KCP: variants seen among roughly 807,000 people sequenced by gnomAD.
KCP encodes kielin/chordin-like protein.
A neutral mutation model predicts 212.7 loss-of-function variants in KCP; 194 were observed. The observed-to-expected ratio is 0.91, with a 90% confidence interval of 0.81 to 1.03. The LOEUF is 1.03. Among genes scored for constraint, KCP ranks in the 50% least tolerant of loss-of-function variants. The pLI is 0.00. For missense variants in KCP, 2,080 were observed against 2,162.5 expected (o/e 0.96, Z 0.76); for synonymous variants, 833 against 865.3 (o/e 0.96, Z 0.65).
rs767647559 is a variant in KCP, at chr7:128,879,774, C to T, written c.3988G>A (p.Val1330Met). 14 of 1,550,660 alleles carry T rather than the reference C, an allele frequency of 9.0e-6. No homozygotes were observed. Among genetic ancestry groups the T allele is most frequent in the South Asian group, 1.2e-5 (1 of 84,062 alleles). Residue 1330 changes from valine to methionine, a missense_variant, in exon 36 of 40, where the codon GTG becomes ATG. Transcript: ENST00000610776. ...GCCATGTCTCCCAGCAGCACCGCCACCTCCTGGGTCCAGGCCACACCGCTC... is the reference window on the plus strand; with the variant it reads ...GCCATGTCTCCCAGCAGCACCGCCATCTCCTGGGTCCAGGCCACACCGCTC... Reference protein sequence around the residue: ...GRSGVAWTQEVAVLLGDMAVR... With the variant: ...GRSGVAWTQEMAVLLGDMAVR...
chr7:128,881,682 C>T lies in KCP; in HGVS notation c.3368G>A (p.Ser1123Asn). 6.6e-7 allele frequency: 1 copy of T among 1,519,898 alleles called. No homozygotes were observed. The highest frequency in any genetic ancestry group is 8.8e-7 in the Non-Finnish European group (1 of 1,139,228). The allele number at this position is 1,519,898 out of a possible 1,614,324, so 94.2% of individuals were successfully genotyped here. ...AGTGTGGCGCTCTGAGAGGGGACAG[C>T]TGAGCTCAGGACAAGCCTGGTGGAT... Reference protein sequence around the residue: ...LCIHQACPELSCPLSERHTPP... With the variant: ...LCIHQACPELNCPLSERHTPP... The change falls in exon 31 of 40, where the codon AGC (serine) becomes AAC (asparagine). Residue 1123 changes from serine to asparagine, a missense_variant. Physicochemically the swap from Ser to Asn is conservative, Grantham distance 46. Coordinates refer to ENST00000610776, the MANE Select transcript of KCP (RefSeq NM_001366122.1).
rs1027184388 is a variant in KCP, at chr7:128,877,323, G to C, written c.4619-12C>G. Reference sequence around the variant, plus strand: ...GGGGCAGCCTACCACTGCAGGGGGAGTGGGAGGCGGGGTTACCAAGGCACC... The same window carrying C: ...GGGGCAGCCTACCACTGCAGGGGGACTGGGAGGCGGGGTTACCAAGGCACC... On this transcript the variant is annotated splice_polypyrimidine_tract_variant and intron_variant, in intron 39 of 39. Transcript: ENST00000610776. 3 of 1,527,228 alleles carry C rather than the reference G, an allele frequency of 2.0e-6. No individual in the cohort carries two copies. The highest frequency in any genetic ancestry group is 2.6e-6 in the Non-Finnish European group (3 of 1,139,336). 94.6% of individuals were successfully genotyped at this position (1,527,228 alleles called of 1,614,324 possible).
rs1382512350 is a variant in KCP at position 128,896,763 on chromosome 7, C to T, written c.832-2470G>A. 4.7e-4 allele frequency among the ~76,000 whole-genome samples: 72 copies of T among 151,946 alleles called. 1 individual carries two copies. Among genetic ancestry groups the T allele is most frequent in the East Asian group, 1.9e-4 (1 of 5,184 alleles). On this transcript the variant is annotated intron_variant, in intron 8 of 39. Transcript: ENST00000610776. ...AAAATTAGCTGGGCGTGGTGGCACA[C>T]GCCTGTAGTCCCAGCTACTTGGGAG...
chr7:128,880,434 G>A lies in KCP; in HGVS notation c.3711C>T (p.Gly1237=). The change falls in exon 34 of 40, where the codon GGC becomes GGT. Residue 1237 remains glycine, a synonymous_variant. Coordinates refer to ENST00000610776, the MANE Select transcript of KCP (RefSeq NM_001366122.1). The part of the protein sequence containing the change: ...DTCTSCSCMA[G]TVRCQSQRCS... ...AGCGCTGGCTCTGGCAACGCACGGT[G>A]CCCGCCATGCAGGAGCAGCTGGTGC... The A allele has an allele frequency of 6.5e-7, 1 of 1,546,854 alleles. No individual in the cohort carries two copies. The highest frequency in any genetic ancestry group is 8.7e-7 in the Non-Finnish European group (1 of 1,144,778).
At chr7:128,884,501 C>T (rs911165013) in intron 28 of KCP, among the ~76,000 whole-genome samples, 2 of 152,182 alleles carry the variant, frequency 1.3e-5, no homozygotes, top group African/African-American at 2.4e-5. Context: ...CCCCTAGCCA[C>T]GTCCCAGGTG....
rs1794086401 is a variant in KCP at position 128,891,047 on chromosome 7, G to A, written c.2022C>T (p.Arg674=). The A allele has an allele frequency of 1.8e-5, 25 of 1,376,346 alleles. No individual in the cohort carries two copies. Among genetic ancestry groups the A allele is most frequent in the Non-Finnish European group, 2.2e-5 (24 of 1,071,000 alleles). The allele number at this position is 1,376,346 out of a possible 1,614,324, so 85.3% of individuals were successfully genotyped here. The change falls in exon 20 of 40, where the codon CGC becomes CGT. Residue 674 remains arginine, a synonymous_variant. Transcript: ENST00000610776. ...GCPRPGAAHA[R]HQEYFSPPGD... ...CGGGCGGGGAGAAGTACTCCTGGTG[G>A]CGGGCGTGGGCCGCGCCGGGCCGTG... is the stretch of plus-strand genomic sequence containing the variant.
At position 128,906,286 on chromosome 7, in the gene KCP, A is replaced by T. The variant is rs1205501672; in HGVS notation, c.564T>A (p.Cys188Ter). 1.9e-6 allele frequency: 3 copies of T among 1,551,000 alleles called. No homozygotes were observed. Among genetic ancestry groups the T allele is most frequent in the African/African-American group, 2.7e-5 (2 of 73,152 alleles). ...CPEPGACCPH[C>*]KPGCDYEGQL... Reference sequence around the variant, plus strand: ...GACTGGCAGGAGGCTGACCTGGCTTACAGTGCGGGCAGCATGCTCCTGGCT... The same window carrying T: ...GACTGGCAGGAGGCTGACCTGGCTTTCAGTGCGGGCAGCATGCTCCTGGCT... Residue 188 changes from cysteine (C) to a stop codon, truncating the protein, a stop_gained, in exon 5 of 40, where the codon TGT becomes TGA. Coordinates refer to ENST00000610776, the MANE Select transcript of KCP (RefSeq NM_001366122.1). LOFTEE classifies it high-confidence loss of function.
At position 128,878,556 on chromosome 7, in the gene KCP, A is replaced by C. The variant is rs1415664613; in HGVS notation, c.4311+2T>G. 2 of 1,550,468 alleles carry C rather than the reference A, an allele frequency of 1.3e-6. No homozygotes were observed. The highest frequency in any genetic ancestry group is 1.7e-6 in the Non-Finnish European group (2 of 1,146,488). ...CCCATCCCCGGTTCCTGTACCACTCACCTGCCAGCTATTCCCAAACGCAGC... is the reference window on the plus strand; with the variant it reads ...CCCATCCCCGGTTCCTGTACCACTCCCCTGCCAGCTATTCCCAAACGCAGC... On this transcript the variant is annotated splice_donor_variant, in intron 38 of 39. Coordinates refer to ENST00000610776, the MANE Select transcript of KCP (RefSeq NM_001366122.1). LOFTEE classifies it high-confidence loss of function.
Position 128,892,590 on chromosome 7 carries a change from G to T in KCP, c.1545C>A (p.Cys515Ter), listed in dbSNP as rs945387202. Residue 515 changes from cysteine (C) to a stop codon, truncating the protein, a stop_gained, in exon 16 of 40, where the codon TGC (cysteine) becomes TGA (stop). Coordinates refer to ENST00000610776, the MANE Select transcript of KCP (RefSeq NM_001366122.1). LOFTEE classifies it high-confidence loss of function. ...TCGTGGGAGGGCAGTCAACCAAGGAGCATGTCACAGTTCCATCCTGCGAGA... is the reference window on the plus strand; with the variant it reads ...TCGTGGGAGGGCAGTCAACCAAGGATCATGTCACAGTTCCATCCTGCGAGA... ...ACHCQDGTVT[C>*]SLVDCPPTTC... 6.4e-7 allele frequency: 1 copy of T among 1,550,838 alleles called. No homozygotes were observed. Among genetic ancestry groups the T allele is most frequent in the African/African-American group, 1.4e-5 (1 of 73,018 alleles).
intron 4 of KCP, among the ~76,000 whole-genome samples, chr7:128,906,815 TAA>T (rs998122378): frequency 4.7e-5 from 7 of 150,530 alleles, no homozygotes; most frequent in African/African-American, 1.7e-4. Flanking sequence ...TTTTTGCCAT[TAA>T]AAGTCATGTC....
chr7:128,908,440 C>T lies in KCP; in HGVS notation c.205G>A (p.Glu69Lys). ...CTCCATGGTACCTGTTCTCTGAGCT[C>T]CATCACTGCAGCCTCCAGTCGCCCC... ...WLGRLEAAVM[E>K]LREQNKDLQT... Residue 69 changes from glutamate (E) to lysine (K), a missense_variant, in exon 2 of 40, where the codon GAG (glutamate) becomes AAG (lysine). Transcript: ENST00000610776. The T allele has an allele frequency of 6.4e-7, 1 of 1,551,604 alleles. No homozygotes were observed. The highest frequency in any genetic ancestry group is 8.7e-7 in the Non-Finnish European group (1 of 1,146,950).
At chr7:128,881,890 G>A in intron 30 of KCP, 47 bp downstream of exon 30, 1 of 1,523,432 alleles carries the variant, frequency 6.6e-7, no homozygotes, top group Non-Finnish European at 8.9e-7. Flanking sequence ...AGCCCACAGA[G>A]AAGGAAGAAG....
chr7:128,893,412 G>A lies in KCP; in HGVS notation c.1164C>T (p.Leu388=). The part of the protein sequence containing the change: ...QETFRLQERG[L]CVRCSCQAGE... ...CTACCTGGCAGGAGCAGCGGACACA[G>A]AGGCCCCGCTCTTGGAGTCTGAAGG... is the stretch of plus-strand genomic sequence containing the variant. The change falls in exon 12 of 40, where the codon CTC becomes CTT. Residue 388 remains leucine (L), a synonymous_variant. Coordinates refer to ENST00000610776, the MANE Select transcript of KCP (RefSeq NM_001366122.1). 1.0e-5 allele frequency: 16 copies of A among 1,551,674 alleles called. No individual in the cohort carries two copies. The highest frequency in any genetic ancestry group is 1.4e-5 in the Non-Finnish European group (16 of 1,146,948).
chr7:128,893,971 C>T lies in KCP; in HGVS notation c.1005+5G>A, dbSNP rs1222886998. On this transcript the variant is annotated splice_donor_5th_base_variant and intron_variant, in intron 10 of 39. Coordinates refer to ENST00000610776, the MANE Select transcript of KCP (RefSeq NM_001366122.1). ...AGGCCCTCCCTGCCAGGCAGCCACA[C>T]TCACAGCACAGCGGCAGTGCGAGCA... 9 of 1,549,666 alleles carry T rather than the reference C, an allele frequency of 5.8e-6. No individual in the cohort carries two copies. The highest frequency in any genetic ancestry group is 1.7e-4 in the Middle Eastern group (1 of 5,982).
In KCP at chr7:128,907,398, G is replaced by T; in HGVS notation, c.275C>A (p.Ala92Glu). 2.6e-6 allele frequency: 4 copies of T among 1,528,720 alleles called. No individual in the cohort carries two copies. The highest frequency in any genetic ancestry group is 3.5e-6 in the Non-Finnish European group (4 of 1,129,568). 94.7% of individuals were successfully genotyped at this position (1,528,720 alleles called of 1,614,324 possible). ...CCCCAGCCCCCAGCACTGGGGAGAT[G>T]CAGGGTGGCACTCACAGGACTCCAG... is the stretch of plus-strand genomic sequence containing the variant. ...RQLESCECHP[A>E]SPQCWGLGRA... The change falls in exon 3 of 40, where the codon GCA (alanine) becomes GAA (glutamate). Residue 92 changes from alanine (A) to glutamate (E), a missense_variant. By Grantham distance (107) the Ala-to-Glu change is moderately radical (BLOSUM62 -1). Transcript: ENST00000610776.
At chr7:128,889,223 G>GC (rs1793934914) in intron 21 of KCP, among the ~76,000 whole-genome samples, 184 bp from the exon 22 acceptor site, 1 of 152,070 alleles carries the variant, frequency 6.6e-6, no homozygotes, top group Non-Finnish European at 1.5e-5. Context: ...GTTTGGATTG[G>GC]CCAAAAGGCA....
In KCP at chr7:128,877,130, G is replaced by T. The variant is rs181807981; in HGVS notation, c.4800C>A (p.Pro1600=). The T allele has an allele frequency of 4.0e-6, 6 of 1,510,292 alleles. No individual in the cohort carries two copies. Among genetic ancestry groups the T allele is most frequent in the Non-Finnish European group, 5.3e-6 (6 of 1,131,076 alleles). 93.6% of individuals were successfully genotyped at this position (1,510,292 alleles called of 1,614,324 possible). The part of the protein sequence containing the change: ...LVEHEAHCIP[P]EACPQVLLTG... Reference sequence around the variant, plus strand: ...TGAGCAGGACTTGGGGGCAGGCCTCGGGTGGGATGCAGTGGGCCTCATGCT... The same window carrying T: ...TGAGCAGGACTTGGGGGCAGGCCTCTGGTGGGATGCAGTGGGCCTCATGCT... Residue 1600 remains proline (P), a synonymous_variant, in exon 40 of 40, where the codon CCC becomes CCA. Coordinates refer to ENST00000610776, the MANE Select transcript of KCP (RefSeq NM_001366122.1).
Position 128,884,107 on chromosome 7 carries a change from G to T in KCP, c.3139C>A (p.Pro1047Thr). The part of the protein sequence containing the change: ...VCICEPQPEG[P>T]PSLRCHRRQC... ...CGCCGGTGACAGCGAAGGCTGGGAG[G>T]CCCCTCAGGCTGTGGCTACAAGAAT... Residue 1047 changes from proline (P) to threonine (T), a missense_variant, in exon 29 of 40, where the codon CCT becomes ACT. By Grantham distance (38) the Pro-to-Thr change is conservative. Transcript: ENST00000610776. 1 of 1,544,204 alleles carries T rather than the reference G, an allele frequency of 6.5e-7. No homozygotes were observed. Among genetic ancestry groups the T allele is most frequent in the Non-Finnish European group, 8.7e-7 (1 of 1,145,144 alleles).
Position 128,878,175 on chromosome 7 carries a change from G to A in KCP, c.4311+383C>T, listed in dbSNP as rs760063933. Reference sequence around the variant, plus strand: ...GGGTTCAAGTGATTCTCCTGCCTCAGCCACCCGAGTAGCTGGGATTACAGG... The same window carrying A: ...GGGTTCAAGTGATTCTCCTGCCTCAACCACCCGAGTAGCTGGGATTACAGG... On this transcript the variant is annotated intron_variant, in intron 38 of 39. Transcript: ENST00000610776. Among the ~76,000 whole-genome samples the A allele has an allele frequency of 7.9e-5, 12 of 151,622 alleles. No individual in the cohort carries two copies. The Middle Eastern group carries it at 0.014, about 173-fold the overall frequency.
Sources: allele counts gnomAD v4.1 joint callset (sites outside exome capture counted in the v4.1 genomes callset), GRCh38; gene constraint gnomAD v4.1.1; transcripts MANE v1.5; gene names NCBI Gene and HGNC (gene_info 2026-07-23, HGNC 2026-07-21).